The following ZNRF3 variants were observed in gnomAD, a reference collection of about 807,000 sequenced individuals.
The protein encoded by ZNRF3 is E3 ubiquitin-protein ligase ZNRF3.
Under a neutral mutation model 72.5 loss-of-function variants are expected in ZNRF3, and 23 were observed. That is an observed-to-expected ratio of 0.32 (90% CI 0.23 to 0.45). The LOEUF (loss-of-function observed/expected upper bound fraction) is 0.45. Among genes scored for constraint, ZNRF3 ranks in the 20% least tolerant of loss-of-function variants. ZNRF3 has a pLI of 1.00. For synonymous variants in ZNRF3, 610 were observed against 545.3 expected, an observed-to-expected ratio of 1.12 and a Z score of -1.65; for missense variants, 1,169 against 1,272.1, an observed-to-expected ratio of 0.92 and a Z score of 1.23.
intron 1 of ZNRF3, among the ~76,000 whole-genome samples, chr22:28,958,424 G>C (rs2035298104): frequency 2.0e-5 from 3 of 151,978 alleles, no homozygotes; most frequent in Admixed American, 2.0e-4. Flanking sequence ...ATATGATACA[G>C]TGATTAAGAG....
chr22:28,936,679 T>C (rs921534516), intron 1 of ZNRF3, among the ~76,000 whole-genome samples: 4 of 152,164 alleles, frequency 2.6e-5, no homozygotes, highest in Admixed American at 2.6e-4. Flanking sequence ...AGAGTAGAAA[T>C]AAATTAAGTG....
intron 1 of ZNRF3, among the ~76,000 whole-genome samples, chr22:28,910,476 A>G: frequency 6.6e-6 from 1 of 152,234 alleles, no homozygotes; most frequent in East Asian, 1.9e-4. Context: ...TGGGTACAAA[A>G]GTGAGGTCTG....
intron 1 of ZNRF3, among the ~76,000 whole-genome samples, chr22:28,951,187 C>A (rs1402502257): frequency 6.6e-6 from 1 of 152,126 alleles, no homozygotes; most frequent in Admixed American, 6.5e-5. Flanking sequence ...CTTTTTCAAC[C>A]ACTAGTGGTT....
At chr22:29,029,234 A>T (rs1350008953) in intron 2 of ZNRF3, among the ~76,000 whole-genome samples, 2 of 152,260 alleles carry the variant, frequency 1.3e-5, no homozygotes, top group African/African-American at 4.8e-5. Flanking sequence ...ATATGTCAAG[A>T]TAGAAGAGTA....
intron 8 of ZNRF3, among the ~76,000 whole-genome samples, chr22:29,051,870 G>A (rs1305499295): frequency 6.5e-5 from 9 of 139,002 alleles, no homozygotes; most frequent in South Asian, 2.3e-4. Context: ...CAGCCTGAGC[G>A]ACTCCATCTC....
rs1025967828 is a variant in ZNRF3, at chr22:28,884,083, C to G, written c.300+17C>G. ...ATCGTGCAGGTAGCTGCCCGCCGCCCGGGCCCCGCGCCGCCTCCGCCACAA... is the reference window on the plus strand; with the variant it reads ...ATCGTGCAGGTAGCTGCCCGCCGCCGGGGCCCCGCGCCGCCTCCGCCACAA... On this transcript the variant is annotated intron_variant, in intron 1 of 8. Transcript: ENST00000544604. 15 of 1,139,720 alleles carry G rather than the reference C, an allele frequency of 1.3e-5. No individual in the cohort carries two copies. Among genetic ancestry groups the G allele is most frequent in the Middle Eastern group, 3.9e-4 (1 of 2,574 alleles). 70.6% of individuals were successfully genotyped at this position (1,139,720 alleles called of 1,614,324 possible).
chr22:28,898,668 C>T (rs751392030), intron 1 of ZNRF3, among the ~76,000 whole-genome samples: 13 of 152,212 alleles, frequency 8.5e-5, no homozygotes, highest in East Asian at 3.8e-4. Flanking sequence ...TACATTTGTG[C>T]CATATTGCTT....
At chr22:28,908,994 T>C (rs2034265279) in intron 1 of ZNRF3, among the ~76,000 whole-genome samples, 1 of 152,146 alleles carries the variant, frequency 6.6e-6, no homozygotes, top group African/African-American at 2.4e-5. Context: ...CCTCCTGAGT[T>C]AAGCAATTCT....
At position 29,048,375 on chromosome 22, in the gene ZNRF3, C is replaced by A; in HGVS notation, c.913-14C>A. 6.2e-7 allele frequency: 1 copy of A among 1,611,508 alleles called. No homozygotes were observed. The highest frequency in any genetic ancestry group is 1.7e-5 in the Admixed American group (1 of 59,886). On this transcript the variant is annotated splice_polypyrimidine_tract_variant and intron_variant, in intron 6 of 8. Coordinates refer to ENST00000544604, the MANE Select transcript of ZNRF3 (RefSeq NM_001206998.2). The surrounding 1 kb of genome is among the most constrained non-coding windows in gnomAD (Gnocchi z 4.9). Reference sequence around the variant, plus strand: ...GGCTGAAGGCAGACTTGTGTCCCCTCTCTCCCTGCCCAGGAGCTGCGGGTC... The same window carrying A: ...GGCTGAAGGCAGACTTGTGTCCCCTATCTCCCTGCCCAGGAGCTGCGGGTC...
At chr22:28,936,213 C>T (rs1268451140) in intron 1 of ZNRF3, among the ~76,000 whole-genome samples, 5 of 152,148 alleles carry the variant, frequency 3.3e-5, no homozygotes, top group African/African-American at 9.7e-5. Flanking sequence ...AAAATGGTCT[C>T]CTCTCTGCAC....
intron 1 of ZNRF3, among the ~76,000 whole-genome samples, chr22:28,921,895 G>A (rs887173148): frequency 2.6e-5 from 4 of 152,168 alleles, no homozygotes; most frequent in Non-Finnish European, 5.9e-5. Context: ...TCTGTGCTAC[G>A]TTAGGATTAA....
chr22:28,948,211 C>T (rs1987606928), intron 1 of ZNRF3, among the ~76,000 whole-genome samples: 1 of 151,002 alleles, frequency 6.6e-6, no homozygotes, highest in African/African-American at 2.4e-5. Flanking sequence ...GTCGCCTAGA[C>T]TGGAGTGCAG....
At chr22:28,904,477 T>C (rs532809986) in intron 1 of ZNRF3, among the ~76,000 whole-genome samples, 25 of 152,368 alleles carry the variant, frequency 1.6e-4, no homozygotes, top group African/African-American at 5.0e-4. Context: ...ATGTTGAAGC[T>C]GGCAGTGCTA....
chr22:28,996,172 C>G (rs1379012575), intron 2 of ZNRF3, among the ~76,000 whole-genome samples: 1 of 152,206 alleles, frequency 6.6e-6, no homozygotes, highest in East Asian at 1.9e-4. Context: ...CTCCTGGCTT[C>G]AAGCCATCCT....
intron 1 of ZNRF3, among the ~76,000 whole-genome samples, chr22:28,983,802 G>T (rs923851296): frequency 5.3e-5 from 8 of 152,222 alleles, no homozygotes; most frequent in Non-Finnish European, 7.3e-5. Flanking sequence ...TAAACAAAGG[G>T]TAGGAAATGG....
intron 2 of ZNRF3, among the ~76,000 whole-genome samples, chr22:29,037,560 G>A (rs1712128554): frequency 2.0e-5 from 3 of 152,188 alleles, no homozygotes; most frequent in Admixed American, 6.5e-5. Flanking sequence ...GGAGTGGTAA[G>A]TGCCAACCAC....
chr22:28,974,575 T>G (rs564350019), intron 1 of ZNRF3, among the ~76,000 whole-genome samples: 1 of 152,370 alleles, frequency 6.6e-6, no homozygotes, highest in South Asian at 2.1e-4. Context: ...CTACTATTCT[T>G]ACTCTCCAGT....
At chr22:29,023,196 C>T (rs1001174416) in intron 2 of ZNRF3, among the ~76,000 whole-genome samples, 1 of 152,112 alleles carries the variant, frequency 6.6e-6, no homozygotes, top group Admixed American at 6.5e-5. Context: ...TTGGAGTCCT[C>T]TAAATTCTGA....
Position 29,046,678 on chromosome 22 carries a change from G to A in ZNRF3, c.745-38G>A, listed in dbSNP as rs7293008. ...CCTGGGGTGACTGCCACTTTCATAC[G>A]TACTGGACCCTCACACAGACTACAT... On this transcript the variant is annotated intron_variant, in intron 5 of 8. Transcript: ENST00000544604. 3,524 of 1,542,504 alleles carry A rather than the reference G, an allele frequency of 2.3e-3. 86 individuals are homozygous for A. In the African/African-American group the frequency reaches 0.04, roughly 18 times the overall value.
Sources: allele counts gnomAD v4.1 joint callset (sites outside exome capture counted in the v4.1 genomes callset), GRCh38; gene constraint gnomAD v4.1.1; non-coding constraint Gnocchi (gnomAD v3.1); transcripts MANE v1.5; gene names NCBI Gene and HGNC (gene_info 2026-07-23, HGNC 2026-07-21).